Variants in ADGRL4 observed in about 807,000 individuals in gnomAD.
ADGRL4 encodes adhesion G protein-coupled receptor L4.
In ADGRL4, 90 loss-of-function variants were observed where a neutral mutation model predicts 74.8. That is an observed-to-expected ratio of 1.20 (90% confidence interval 1.02 to 1.43). ADGRL4 has a LOEUF of 1.43. ADGRL4 is among the 40% of genes most tolerant of loss of function. The pLI, the probability that ADGRL4 is intolerant of heterozygous loss-of-function variation, is 0.00. For synonymous variants in ADGRL4, 311 were observed against 279.2 expected, an observed-to-expected ratio of 1.11 and a Z score of -1.14; for missense variants, 881 against 814.3, an observed-to-expected ratio of 1.08 and a Z score of -1.00.
chr1:78,960,679 C>T (rs906921819), intron 2 of ADGRL4, among the ~76,000 whole-genome samples: 2 of 152,098 alleles, frequency 1.3e-5, no homozygotes, highest in Admixed American at 6.5e-5. Flanking sequence ...TGTTGAAATC[C>T]TAACCCCCAA....
chr1:78,920,171 A>G lies in ADGRL4; in HGVS notation c.1461+12T>C. 1 of 1,591,710 alleles carries G rather than the reference A, an allele frequency of 6.3e-7. No individual in the cohort carries two copies. The highest frequency in any genetic ancestry group is 8.6e-7 in the Non-Finnish European group (1 of 1,164,790). ...TCATAGGACAAAAATAGAGATTAGGATGCCTACATACCTTATTAGTATTTG... is the reference window on the plus strand; with the variant it reads ...TCATAGGACAAAAATAGAGATTAGGGTGCCTACATACCTTATTAGTATTTG... On this transcript the variant is annotated intron_variant, in intron 10 of 14. Transcript: ENST00000370742.
intron 2 of ADGRL4, among the ~76,000 whole-genome samples, chr1:78,977,029 GTA>G (rs1650299647): frequency 6.6e-6 from 1 of 151,616 alleles, no homozygotes; most frequent in South Asian, 2.1e-4. Context: ...AAATATAATT[GTA>G]ACACTTAATC....
chr1:78,896,938 T>C (rs1268868856), intron 12 of ADGRL4, among the ~76,000 whole-genome samples: 3 of 152,144 alleles, frequency 2.0e-5, no homozygotes, highest in Admixed American at 2.0e-4. Flanking sequence ...CACCATGCCA[T>C]AGGGCAGTTG....
intron 12 of ADGRL4, among the ~76,000 whole-genome samples, chr1:78,895,416 C>A (rs189847572): frequency 2.4e-3 from 370 of 151,918 alleles, no homozygotes; most frequent in African/African-American, 8.3e-3. Context: ...AGATAGTAAA[C>A]AAATAATCAT....
intron 2 of ADGRL4, among the ~76,000 whole-genome samples, chr1:78,999,669 C>T (rs769342692): frequency 2.0e-5 from 3 of 152,272 alleles, no homozygotes; most frequent in Middle Eastern, 3.4e-3. Context: ...TATGATGGTA[C>T]AGTCACCGTG....
At position 78,899,764 on chromosome 1, in the gene ADGRL4, T is replaced by TC. The variant is rs1361068990; in HGVS notation, c.1750-6576_1750-6575insG. Among the ~76,000 whole-genome samples, 4 of 145,206 alleles carry TC rather than the reference T, an allele frequency of 2.8e-5. No homozygotes were observed. The Admixed American group carries it at 2.8e-4, about 10-fold the overall frequency. ...AGGTTTTGTCTTCTGTCTGATTTTCTTTTTTTTTTTAACCATTTCCCAATT... is the reference window on the plus strand; with the variant it reads ...AGGTTTTGTCTTCTGTCTGATTTTCTCTTTTTTTTTTAACCATTTCCCAATT... On this transcript the variant is annotated intron_variant, in intron 12 of 14. Coordinates refer to ENST00000370742, the MANE Select transcript of ADGRL4 (RefSeq NM_022159.4).
At chr1:78,902,233 A>G (rs1648535207) in intron 12 of ADGRL4, among the ~76,000 whole-genome samples, 1 of 152,108 alleles carries the variant, frequency 6.6e-6, no homozygotes. Context: ...TTATATTGAA[A>G]CTCAAGTGAA....
At chr1:79,002,843 G>T (rs1343025384) in intron 2 of ADGRL4, among the ~76,000 whole-genome samples, 3 of 152,000 alleles carry the variant, frequency 2.0e-5, no homozygotes, top group African/African-American at 7.2e-5. Context: ...ATTAAAAAAT[G>T]ATTAAATTAA....
intron 2 of ADGRL4, among the ~76,000 whole-genome samples, chr1:78,965,868 A>G (rs971118245): frequency 1.3e-5 from 2 of 152,228 alleles, no homozygotes; most frequent in Non-Finnish European, 2.9e-5. Context: ...CTGACAGCTG[A>G]GCTGACACTC....
chr1:78,987,248 A>T (rs1020628759), intron 2 of ADGRL4, among the ~76,000 whole-genome samples: 1 of 151,800 alleles, frequency 6.6e-6, no homozygotes, highest in African/African-American at 2.4e-5. Flanking sequence ...ATGACTCAGC[A>T]ATAGCAGTTT....
chr1:78,952,762 G>A (rs1052653347), intron 2 of ADGRL4, among the ~76,000 whole-genome samples: 3 of 152,082 alleles, frequency 2.0e-5, no homozygotes, highest in African/African-American at 7.2e-5. Flanking sequence ...TAAAATGTTT[G>A]TGTTGGGTAT....
intron 2 of ADGRL4, among the ~76,000 whole-genome samples, chr1:78,974,674 A>G (rs1412770985): frequency 6.6e-6 from 1 of 152,134 alleles, no homozygotes; most frequent in African/African-American, 2.4e-5. Context: ...AGGATAATCT[A>G]TTTTATTGAC....
At chr1:78,945,721 T>G (rs1649587008) in intron 3 of ADGRL4, among the ~76,000 whole-genome samples, 1 of 152,130 alleles carries the variant, frequency 6.6e-6, no homozygotes, top group Non-Finnish European at 1.5e-5. Context: ...CAAAGGACAT[T>G]TTAGTGACCC....
intron 2 of ADGRL4, among the ~76,000 whole-genome samples, chr1:78,998,253 CT>C (rs769714342): frequency 2.4e-3 from 227 of 94,062 alleles, no homozygotes; most frequent in African/African-American, 5.3e-3. Context: ...GATTTCATTG[CT>C]TTTTTTTTTT....
Position 78,891,613 on chromosome 1 carries a change from C to A in ADGRL4, c.1921G>T (p.Ala641Ser), listed in dbSNP as rs1244238734. The A allele has an allele frequency of 1.2e-6, 2 of 1,613,242 alleles. No homozygotes were observed. The highest frequency in any genetic ancestry group is 1.7e-5 in the Admixed American group (1 of 59,896). Residue 641 changes from alanine to serine, a missense_variant, in exon 14 of 15, where the codon GCA (alanine) becomes TCA (serine). Transcript: ENST00000370742. The stretch of plus-strand genomic sequence containing the variant: ...AAGAGGTAAGCTGTAACCACTGATG[C>A]GTGCACAACATGGAGAACCCCAAAG... Reference protein sequence around the residue: ...WIFGVLHVVHASVVTAYLFTV... With the variant: ...WIFGVLHVVHSSVVTAYLFTV...
At chr1:78,946,961 T>C (rs1047835645) in intron 2 of ADGRL4, among the ~76,000 whole-genome samples, 5 of 152,182 alleles carry the variant, frequency 3.3e-5, no homozygotes, top group African/African-American at 4.8e-5. Flanking sequence ...CACAGAATAG[T>C]ATGCAATACA....
At chr1:78,987,693 G>A (rs564242266) in intron 2 of ADGRL4, among the ~76,000 whole-genome samples, 1 of 151,778 alleles carries the variant, frequency 6.6e-6, no homozygotes, top group East Asian at 1.9e-4. Flanking sequence ...TCCAGGCACT[G>A]GCAAATATTC....
intron 2 of ADGRL4, among the ~76,000 whole-genome samples, chr1:78,952,327 G>GTT (rs1557510405): frequency 7.8e-5 from 2 of 25,670 alleles, no homozygotes; most frequent in African/African-American, 1.8e-4. Context: ...AACATAGAAA[G>GTT]CTTTTTTTTT....
intron 12 of ADGRL4, among the ~76,000 whole-genome samples, chr1:78,904,975 T>C (rs1648605620): frequency 1.3e-5 from 2 of 152,076 alleles, no homozygotes; most frequent in South Asian, 2.1e-4. Flanking sequence ...CAAAACTACA[T>C]ATAATGTGTA....
Sources: allele counts gnomAD v4.1 joint callset (sites outside exome capture counted in the v4.1 genomes callset), GRCh38; gene constraint gnomAD v4.1.1; transcripts MANE v1.5; gene names NCBI Gene and HGNC (gene_info 2026-07-23, HGNC 2026-07-21).